Variants in UBASH3B observed in about 807,000 individuals in gnomAD.
UBASH3B encodes the protein ubiquitin-associated and SH3 domain-containing protein B.
A neutral mutation model predicts 83.4 loss-of-function variants in UBASH3B; 37 were observed. The observed-to-expected ratio is 0.44, with a 90% CI of 0.34 to 0.58. UBASH3B has a LOEUF of 0.58. UBASH3B is among the 20% of genes least tolerant of loss of function. UBASH3B has a pLI of 0.01. For missense variants in UBASH3B, 657 were observed against 827.2 expected (o/e 0.79, Z 2.52); for synonymous variants, 304 against 318.3 (o/e 0.96, Z 0.48).
intron 13 of UBASH3B, among the ~76,000 whole-genome samples, chr11:122,808,737 T>A (rs1861384705): frequency 6.6e-6 from 1 of 152,220 alleles, no homozygotes; most frequent in South Asian, 2.1e-4. Flanking sequence ...GCAAATTACA[T>A]ACTTCCTTTC....
At chr11:122,773,280 G>A (rs1057042760) in intron 1 of UBASH3B, among the ~76,000 whole-genome samples, 12 of 152,190 alleles carry the variant, frequency 7.9e-5, no homozygotes, top group South Asian at 2.1e-4. Flanking sequence ...ATGTTCTGCC[G>A]CGCCCATGTT....
chr11:122,761,761 A>T (rs945477403), intron 1 of UBASH3B, among the ~76,000 whole-genome samples: 1 of 120,150 alleles, frequency 8.3e-6, no homozygotes, highest in Non-Finnish European at 1.8e-5. Context: ...CTTCATTTTC[A>T]TCTGTTTCTC....
At chr11:122,726,756 G>A (rs949961232) in intron 1 of UBASH3B, among the ~76,000 whole-genome samples, 4 of 152,216 alleles carry the variant, frequency 2.6e-5, no homozygotes, top group African/African-American at 9.7e-5. Flanking sequence ...TATTTGCTAA[G>A]GGATTTCTAG....
At chr11:122,688,693 G>T in intron 1 of UBASH3B, among the ~76,000 whole-genome samples, 1 of 149,694 alleles carries the variant, frequency 6.7e-6, no homozygotes, top group African/African-American at 2.5e-5. Flanking sequence ...TGCCCAGGCT[G>T]GAGTGCAGTA....
intron 1 of UBASH3B, among the ~76,000 whole-genome samples, chr11:122,659,415 G>A (rs867214033): frequency 6.6e-6 from 1 of 152,208 alleles, no homozygotes; most frequent in Non-Finnish European, 1.5e-5. Context: ...AGGTCCTGGA[G>A]GTCACCTGAT....
intron 11 of UBASH3B, among the ~76,000 whole-genome samples, chr11:122,803,015 C>T (rs1861283133): frequency 6.6e-6 from 1 of 152,162 alleles, no homozygotes; most frequent in Non-Finnish European, 1.5e-5. Flanking sequence ...ATCGTCCTAC[C>T]TGAGCCTGTC....
chr11:122,766,943 G>A (rs913026236), intron 1 of UBASH3B, among the ~76,000 whole-genome samples: 1 of 152,172 alleles, frequency 6.6e-6, no homozygotes, highest in Non-Finnish European at 1.5e-5. Flanking sequence ...GGAGTCTGGG[G>A]GAGACTCAGC....
At chr11:122,791,599 C>A (rs1861055146) in intron 6 of UBASH3B, among the ~76,000 whole-genome samples, 1 of 152,188 alleles carries the variant, frequency 6.6e-6, no homozygotes, top group African/African-American at 2.4e-5. Context: ...CCCCAGAGGT[C>A]AAATGACTCA....
intron 1 of UBASH3B, among the ~76,000 whole-genome samples, chr11:122,755,018 C>G (rs1861261492): frequency 1.3e-5 from 2 of 152,298 alleles, no homozygotes; most frequent in South Asian, 4.1e-4. Flanking sequence ...TAAATGTAAG[C>G]TCTGCGCCAA....
intron 4 of UBASH3B, among the ~76,000 whole-genome samples, chr11:122,780,491 C>T (rs566955535): frequency 1.2e-4 from 19 of 152,298 alleles, no homozygotes; most frequent in African/African-American, 3.1e-4. Flanking sequence ...CCTCTTGGCT[C>T]GCTCCAGCAT....
At chr11:122,734,004 G>C (rs1485949780) in intron 1 of UBASH3B, among the ~76,000 whole-genome samples, 1 of 152,098 alleles carries the variant, frequency 6.6e-6, no homozygotes. Flanking sequence ...TCATGCCTCA[G>C]CCTCTTTAGT....
rs543155948 is a variant in UBASH3B at position 122,705,724 on chromosome 11, C to A, written c.161+49514C>A. Among the ~76,000 whole-genome samples the A allele has an allele frequency of 5.3e-5, 8 of 152,320 alleles. No homozygotes were observed. The South Asian group carries it at 1.7e-3, about 32-fold the overall frequency. Reference sequence around the variant, plus strand: ...TCTCACCAACTCATGGGGGCATCCACTGCCATCTACCACCTCATGTAGTTA... The same window carrying A: ...TCTCACCAACTCATGGGGGCATCCAATGCCATCTACCACCTCATGTAGTTA... On this transcript the variant is annotated intron_variant, in intron 1 of 13. Coordinates refer to ENST00000284273, the MANE Select transcript of UBASH3B (RefSeq NM_032873.5).
chr11:122,683,394 C>T (rs1409004957), intron 1 of UBASH3B, among the ~76,000 whole-genome samples: 4 of 151,904 alleles, frequency 2.6e-5, no homozygotes, highest in African/African-American at 4.8e-5. Flanking sequence ...GCGGGCAGAT[C>T]GCTTGAGGTC....
At chr11:122,805,463 C>T (rs1233489058) in intron 11 of UBASH3B, among the ~76,000 whole-genome samples, 9 of 151,940 alleles carry the variant, frequency 5.9e-5, no homozygotes, top group Admixed American at 2.6e-4. Context: ...ACTCAGGAGG[C>T]GGAGGTTGCA....
intron 1 of UBASH3B, among the ~76,000 whole-genome samples, chr11:122,718,864 C>T (rs919265320): frequency 4.6e-5 from 7 of 151,948 alleles, no homozygotes; most frequent in Non-Finnish European, 1.0e-4. Context: ...GGTGAAACAC[C>T]GTCTCACCTA....
intron 1 of UBASH3B, among the ~76,000 whole-genome samples, chr11:122,662,388 A>G (rs1591758765): frequency 6.9e-6 from 1 of 145,322 alleles, no homozygotes; most frequent in African/African-American, 2.6e-5. Flanking sequence ...TCCTCTCTCA[A>G]CCCCCAACCC....
At chr11:122,801,703 T>A (rs1011769073) in intron 11 of UBASH3B, among the ~76,000 whole-genome samples, 14 of 152,356 alleles carry the variant, frequency 9.2e-5, no homozygotes, top group African/African-American at 3.1e-4. Flanking sequence ...TTTCTACGTT[T>A]AATTTTTCAA....
chr11:122,704,869 C>T (rs1283033941), intron 1 of UBASH3B, among the ~76,000 whole-genome samples: 2 of 151,910 alleles, frequency 1.3e-5, no homozygotes, highest in Non-Finnish European at 2.9e-5. Context: ...CGCACTTTCT[C>T]GAAGTGGCAT....
At chr11:122,683,287 A>G (rs997773392) in intron 1 of UBASH3B, among the ~76,000 whole-genome samples, 1 of 150,964 alleles carries the variant, frequency 6.6e-6, no homozygotes, top group Non-Finnish European at 1.5e-5. Flanking sequence ...TCTGTATTTC[A>G]GTTTGTATCT....
Sources: gnomAD v4.1 joint callset for allele counts (sites outside exome capture counted in the v4.1 genomes callset) on GRCh38, gnomAD v4.1.1 for gene constraint, MANE v1.5 for transcripts, NCBI Gene and HGNC (gene_info 2026-07-23, HGNC 2026-07-21) for gene names.